The following MAP2 variants were observed in gnomAD, a reference collection of about 807,000 sequenced individuals.
MAP2 encodes microtubule-associated protein 2.
MAP2 carries 14 observed loss-of-function variants against 137.6 expected under a neutral mutation model. The observed-to-expected ratio is 0.10, with a 90% CI of 0.07 to 0.16. The LOEUF is 0.16. MAP2 is among the 10% of genes least tolerant of loss of function. The pLI, the probability that MAP2 is intolerant of heterozygous loss-of-function variation, is 1.00. For synonymous variants in MAP2, 786 were observed against 782.3 expected (o/e 1.00, Z -0.08); for missense variants, 2,088 against 2,191.5 (o/e 0.95, Z 0.94).
chr2:209,690,935 C>T (rs766648209), intron 7 of MAP2: 56 of 1,151,834 alleles, frequency 4.9e-5, no homozygotes, highest in Non-Finnish European at 5.6e-5. Flanking sequence ...AACGCTATTT[C>T]GCTATTTCAT....
chr2:209,625,861 C>T (rs558325383), intron 4 of MAP2, among the ~76,000 whole-genome samples: 2 of 152,174 alleles, frequency 1.3e-5, no homozygotes, highest in East Asian at 3.9e-4. Flanking sequence ...TATGCTTTAG[C>T]TCAGTTACAA....
Position 209,616,945 on chromosome 2 carries a change from C to A in MAP2, c.-106-8108C>A, listed in dbSNP as rs141140242. On this transcript the variant is annotated intron_variant, in intron 3 of 15. Coordinates refer to ENST00000682079, the MANE Select transcript of MAP2 (RefSeq NM_001375505.1). ...ATAATTATAGACTAGGCGGGGGGACCCAGCAAGACCTGTCTGTTCAGATTC... is the reference window on the plus strand; with the variant it reads ...ATAATTATAGACTAGGCGGGGGGACACAGCAAGACCTGTCTGTTCAGATTC... Among the ~76,000 whole-genome samples, 7 of 152,178 alleles carry A rather than the reference C, an allele frequency of 4.6e-5. No homozygotes were observed. The East Asian group carries it at 1.4e-3, about 29-fold the overall frequency.
At chr2:209,556,605 T>A (rs910734556) in intron 2 of MAP2, among the ~76,000 whole-genome samples, 1 of 147,370 alleles carries the variant, frequency 6.8e-6, no homozygotes, top group East Asian at 2.0e-4. Flanking sequence ...GATTTCAACC[T>A]GAAACACCTC....
intron 13 of MAP2, among the ~76,000 whole-genome samples, chr2:209,714,813 T>C (rs556465767): frequency 1.2e-4 from 19 of 152,350 alleles, no homozygotes; most frequent in African/African-American, 4.1e-4. Flanking sequence ...CATCCTTCCA[T>C]GGCTGAGCTG....
intron 3 of MAP2, among the ~76,000 whole-genome samples, chr2:209,599,647 C>T (rs1462670319): frequency 6.6e-6 from 1 of 151,998 alleles, no homozygotes; most frequent in African/African-American, 2.4e-5. Context: ...ATTACAATTG[C>T]CTTCTTGTCA....
chr2:209,602,995 G>A (rs1250365855), intron 3 of MAP2, among the ~76,000 whole-genome samples: 1 of 152,168 alleles, frequency 6.6e-6, no homozygotes, highest in East Asian at 1.9e-4. Flanking sequence ...TCAGTGGCTT[G>A]AAGTGAAGCC....
chr2:209,454,501 A>G lies in MAP2; in HGVS notation c.-222+30225A>G, dbSNP rs986669618. On this transcript the variant is annotated intron_variant, in intron 1 of 15. Coordinates refer to ENST00000682079, the MANE Select transcript of MAP2 (RefSeq NM_001375505.1). ...GAGGCACCCACCACCATGCCCGGCT[A>G]GTTTTTGTATTTTTTAGTAGAGATA... 4.0e-5 allele frequency among the ~76,000 whole-genome samples: 6 copies of G among 151,898 alleles called. 1 individual carries two copies. Among genetic ancestry groups the G allele is most frequent in the African/African-American group, 1.2e-4 (5 of 41,450 alleles).
At chr2:209,689,591 A>G (rs1480880505) in intron 7 of MAP2, among the ~76,000 whole-genome samples, 1 of 152,174 alleles carries the variant, frequency 6.6e-6, no homozygotes, top group African/African-American at 2.4e-5. Context: ...TGAAAAGTTT[A>G]TCTTTACATC....
intron 3 of MAP2, among the ~76,000 whole-genome samples, chr2:209,580,378 T>C (rs1043535880): frequency 1.3e-5 from 2 of 152,204 alleles, no homozygotes; most frequent in African/African-American, 4.8e-5. Flanking sequence ...TGTAATGTTT[T>C]TTTTAAAGTC....
rs1355317152 is a variant in MAP2 at position 209,692,609 on chromosome 2, A to T, written c.455-16A>T. 1 of 1,536,334 alleles carries T rather than the reference A, an allele frequency of 6.5e-7. No individual in the cohort carries two copies. The highest frequency in any genetic ancestry group is 1.3e-5 in the South Asian group (1 of 78,124). On this transcript the variant is annotated splice_polypyrimidine_tract_variant and intron_variant, in intron 7 of 15. Coordinates refer to ENST00000682079, the MANE Select transcript of MAP2 (RefSeq NM_001375505.1). ...CTTGCCTATTATTTGTTTAAAAATCAACCCGATTACTTCAGATTTACTTAC... is the reference window on the plus strand; with the variant it reads ...CTTGCCTATTATTTGTTTAAAAATCTACCCGATTACTTCAGATTTACTTAC...
chr2:209,560,422 C>T (rs548028607), intron 2 of MAP2, among the ~76,000 whole-genome samples: 45 of 151,564 alleles, frequency 3.0e-4, no homozygotes, highest in South Asian at 1.3e-3. Context: ...TTTATTTTCC[C>T]AGTGGATGCA....
intron 2 of MAP2, among the ~76,000 whole-genome samples, chr2:209,539,059 A>G (rs1307829465): frequency 6.6e-6 from 1 of 152,206 alleles, no homozygotes; most frequent in Non-Finnish European, 1.5e-5. Context: ...TTAAGGCAGA[A>G]CACAATATCA....
intron 1 of MAP2, among the ~76,000 whole-genome samples, chr2:209,470,781 C>T (rs1045995368): frequency 6.6e-6 from 1 of 152,018 alleles, no homozygotes; most frequent in African/African-American, 2.4e-5. Flanking sequence ...TACCTGGATT[C>T]CAAAAGTAAA....
chr2:209,455,304 C>A (rs1701281754), intron 1 of MAP2, among the ~76,000 whole-genome samples: 1 of 152,102 alleles, frequency 6.6e-6, no homozygotes, highest in Non-Finnish European at 1.5e-5. Flanking sequence ...CAAGGTCACA[C>A]AGATAGTAAG....
chr2:209,520,914 G>C (rs1414422800), intron 2 of MAP2, among the ~76,000 whole-genome samples: 1 of 152,044 alleles, frequency 6.6e-6, no homozygotes, highest in African/African-American at 2.4e-5. Context: ...TAAATATCAT[G>C]TTAGGAGATG....
chr2:209,600,714 T>A (rs969278248), intron 3 of MAP2, among the ~76,000 whole-genome samples: 1 of 152,230 alleles, frequency 6.6e-6, no homozygotes, highest in African/African-American at 2.4e-5. Flanking sequence ...CTTGTAGGGC[T>A]GACAGAGCCA....
intron 5 of MAP2, among the ~76,000 whole-genome samples, chr2:209,655,394 C>T (rs1213997744): frequency 6.6e-6 from 1 of 151,996 alleles, no homozygotes; most frequent in Non-Finnish European, 1.5e-5. Context: ...AATAAGCAGC[C>T]AAGTATTGAA....
chr2:209,473,087 T>C, intron 1 of MAP2, among the ~76,000 whole-genome samples: 1 of 152,140 alleles, frequency 6.6e-6, no homozygotes, highest in East Asian at 1.9e-4. Flanking sequence ...CTTCTTAAAG[T>C]ATGTCACAAA....
At chr2:209,605,750 C>T (rs867114741) in intron 3 of MAP2, among the ~76,000 whole-genome samples, 12 of 152,046 alleles carry the variant, frequency 7.9e-5, no homozygotes, top group South Asian at 2.1e-4. Context: ...TGCCCTTATC[C>T]TTGTGGTTTT....
Sources: gnomAD v4.1 joint callset for allele counts (sites outside exome capture counted in the v4.1 genomes callset) on GRCh38, gnomAD v4.1.1 for gene constraint, MANE v1.5 for transcripts, NCBI Gene and HGNC (gene_info 2026-07-23, HGNC 2026-07-21) for gene names.